The following ZDHHC14 variants were observed in gnomAD, a reference collection of about 807,000 sequenced individuals.
The protein encoded by ZDHHC14 is zDHHC palmitoyltransferase 14.
ZDHHC14 carries 16 observed loss-of-function variants against 47.7 expected under a neutral mutation model. The observed-to-expected ratio is 0.34, with a 90% CI of 0.23 to 0.51. The LOEUF (loss-of-function observed/expected upper bound fraction) is 0.51, where lower values mean the gene tolerates loss of function less well. Among genes scored for constraint, ZDHHC14 ranks in the 20% least tolerant of loss-of-function variants. ZDHHC14 has a pLI of 0.97. For synonymous variants in ZDHHC14, 293 were observed against 278.9 expected (o/e 1.05, Z -0.50); for missense variants, 515 against 662.5 (o/e 0.78, Z 2.44).
At chr6:157,476,549 C>A (rs1015312414) in intron 1 of ZDHHC14, among the ~76,000 whole-genome samples, 2 of 152,218 alleles carry the variant, frequency 1.3e-5, no homozygotes, top group Non-Finnish European at 2.9e-5. Context: ...CTTCCAAACT[C>A]ATTTTATGAG....
Position 157,505,909 on chromosome 6 carries a change from T to G in ZDHHC14, c.246-36676T>G, listed in dbSNP as rs78238638. Among the ~76,000 whole-genome samples, 155 of 152,364 alleles carry G rather than the reference T, an allele frequency of 1.0e-3. 4 individuals are homozygous for G. The East Asian group carries it at 0.024, about 23-fold the overall frequency. On this transcript the variant is annotated intron_variant, in intron 1 of 8. Transcript: ENST00000359775. ...TCAGATGTAACTGAGTGCACCCAAGTGCTGAAACACTGAACAAATGCAGCT... is the reference window on the plus strand; with the variant it reads ...TCAGATGTAACTGAGTGCACCCAAGGGCTGAAACACTGAACAAATGCAGCT...
At chr6:157,544,147 A>G (rs1429764784) in intron 2 of ZDHHC14, among the ~76,000 whole-genome samples, 1 of 152,196 alleles carries the variant, frequency 6.6e-6, no homozygotes, top group Non-Finnish European at 1.5e-5. Flanking sequence ...GAGGAGAGAG[A>G]GGGAAGTCAA....
chr6:157,506,411 T>A (rs1780327072), intron 1 of ZDHHC14, among the ~76,000 whole-genome samples: 1 of 152,250 alleles, frequency 6.6e-6, no homozygotes, highest in South Asian at 2.1e-4. Context: ...GAGCTGGATG[T>A]TGGAGAGAGC....
At chr6:157,452,796 G>A (rs983774124) in intron 1 of ZDHHC14, among the ~76,000 whole-genome samples, 5 of 142,930 alleles carry the variant, frequency 3.5e-5, no homozygotes, top group Non-Finnish European at 4.5e-5. Context: ...TCCGCCTCCC[G>A]GGTTCAAGCG....
At chr6:157,415,765 T>C (rs902083063) in intron 1 of ZDHHC14, among the ~76,000 whole-genome samples, 5 of 151,906 alleles carry the variant, frequency 3.3e-5, no homozygotes, top group African/African-American at 9.7e-5. Flanking sequence ...TCCCAGCCAC[T>C]TGGGAGGCTG....
At chr6:157,588,726 A>C (rs966090195) in intron 2 of ZDHHC14, among the ~76,000 whole-genome samples, 3 of 152,204 alleles carry the variant, frequency 2.0e-5, no homozygotes, top group Non-Finnish European at 2.9e-5. Flanking sequence ...TTTATCATAC[A>C]AGTGAGTGTA....
chr6:157,594,570 C>T (rs141520056), intron 3 of ZDHHC14, among the ~76,000 whole-genome samples: 10 of 152,278 alleles, frequency 6.6e-5, no homozygotes, highest in Admixed American at 5.9e-4. Context: ...ATGTAGCAGA[C>T]GCTCTGTGAT....
chr6:157,543,546 A>G (rs1781851598), intron 2 of ZDHHC14, among the ~76,000 whole-genome samples: 1 of 152,166 alleles, frequency 6.6e-6, no homozygotes, highest in African/African-American at 2.4e-5. Flanking sequence ...CTCCTATTCT[A>G]TGGACTTTCC....
chr6:157,476,154 G>A (rs1198397935), intron 1 of ZDHHC14, among the ~76,000 whole-genome samples: 1 of 152,074 alleles, frequency 6.6e-6, no homozygotes, highest in East Asian at 1.9e-4. Flanking sequence ...GATAAATGAA[G>A]CTGAGTTGGT....
chr6:157,474,328 T>G (rs1779427318), intron 1 of ZDHHC14, among the ~76,000 whole-genome samples: 1 of 152,168 alleles, frequency 6.6e-6, no homozygotes, highest in East Asian at 1.9e-4. Flanking sequence ...TAATAGACAC[T>G]TAGGTTGTTT....
intron 1 of ZDHHC14, among the ~76,000 whole-genome samples, chr6:157,523,353 A>G (rs1781028834): frequency 6.6e-6 from 1 of 152,190 alleles, no homozygotes; most frequent in Non-Finnish European, 1.5e-5. Flanking sequence ...TATATTAATG[A>G]AAGCACTCTT....
At chr6:157,417,279 C>T (rs575433253) in intron 1 of ZDHHC14, among the ~76,000 whole-genome samples, 1 of 152,178 alleles carries the variant, frequency 6.6e-6, no homozygotes, top group South Asian at 2.1e-4. Context: ...TCTGCTCTGC[C>T]TAGTTAGATG....
At position 157,381,348 on chromosome 6, in the gene ZDHHC14, A is replaced by T. The variant is rs1322967751; in HGVS notation, c.-674A>T. 1 of 156,632 alleles carries T rather than the reference A, an allele frequency of 6.4e-6. No homozygotes were observed. The highest frequency in any genetic ancestry group is 2.4e-5 in the African/African-American group (1 of 40,906). 9.7% of individuals were successfully genotyped at this position (156,632 alleles called of 1,614,324 possible). On this transcript the variant is annotated 5_prime_UTR_variant, in exon 1 of 9. Coordinates refer to ENST00000359775, the MANE Select transcript of ZDHHC14 (RefSeq NM_024630.3). ...TCCCCGCGCGGGGGCCGCGGATTCGACTAGGCTGCCAGGCGCAGCGACACC... is the reference window on the plus strand; with the variant it reads ...TCCCCGCGCGGGGGCCGCGGATTCGTCTAGGCTGCCAGGCGCAGCGACACC...
At chr6:157,501,871 C>T (rs1033422094) in intron 1 of ZDHHC14, among the ~76,000 whole-genome samples, 1 of 152,150 alleles carries the variant, frequency 6.6e-6, no homozygotes, top group African/African-American at 2.4e-5. Flanking sequence ...TGCCTTACTT[C>T]TCCTAAAGAG....
At chr6:157,604,155 C>T (rs913358271) in intron 3 of ZDHHC14, among the ~76,000 whole-genome samples, 3 of 151,968 alleles carry the variant, frequency 2.0e-5, no homozygotes, top group East Asian at 3.9e-4. Flanking sequence ...GGCGTGGTGG[C>T]GGGTGCCTGT....
At chr6:157,457,811 C>T (rs1262255869) in intron 1 of ZDHHC14, among the ~76,000 whole-genome samples, 2 of 152,210 alleles carry the variant, frequency 1.3e-5, no homozygotes, top group African/African-American at 4.8e-5. Flanking sequence ...ACCACTTGCG[C>T]CCTCAACCAA....
intron 1 of ZDHHC14, among the ~76,000 whole-genome samples, chr6:157,498,422 T>C (rs544577925): frequency 1.2e-4 from 18 of 152,030 alleles, no homozygotes; most frequent in African/African-American, 3.9e-4. Context: ...GGTGGAAAAG[T>C]GTAAATTGGG....
At chr6:157,568,860 T>A (rs1355861734) in intron 2 of ZDHHC14, among the ~76,000 whole-genome samples, 1 of 152,174 alleles carries the variant, frequency 6.6e-6, no homozygotes, top group Admixed American at 6.5e-5. Context: ...AATCACAAAC[T>A]TTAAAAAATA....
Position 157,674,577 on chromosome 6 carries a change from C to G in ZDHHC14, c.*1455C>G, listed in dbSNP as rs1259926693. 1 of 152,192 alleles carries G rather than the reference C, an allele frequency of 6.6e-6. No individual in the cohort carries two copies. The highest frequency in any genetic ancestry group is 1.9e-4 in the East Asian group (1 of 5,194). The allele number at this position is 152,192 out of a possible 1,614,324, so 9.4% of individuals were successfully genotyped here. A position where few individuals can be genotyped will look rare whatever the true frequency, so the allele number is the denominator to read the frequency against. ...TCTAACAGCTAAAGCTACTCAAGTT[C>G]AAAGCCATGGCCTTGCTCCTTATAA... is the stretch of plus-strand genomic sequence containing the variant. On this transcript the variant is annotated 3_prime_UTR_variant, in exon 9 of 9. Coordinates refer to ENST00000359775, the MANE Select transcript of ZDHHC14 (RefSeq NM_024630.3).
Sources: gnomAD v4.1 joint callset for allele counts (sites outside exome capture counted in the v4.1 genomes callset) on GRCh38, gnomAD v4.1.1 for gene constraint, MANE v1.5 for transcripts, NCBI Gene and HGNC (gene_info 2026-07-23, HGNC 2026-07-21) for gene names.